Variants in MAPRE2 observed in about 807,000 individuals in gnomAD.
MAPRE2 encodes microtubule associated protein RP/EB family member 2.
Under a neutral mutation model 43.2 loss-of-function variants are expected in MAPRE2, and 13 were observed. The observed-to-expected ratio is 0.30, with a 90% CI of 0.20 to 0.48. The LOEUF is 0.48. Ranked by LOEUF, MAPRE2 falls within the 20% of genes least tolerant of loss-of-function variation. The pLI is 0.99. For missense variants in MAPRE2, 161 were observed against 400.2 expected (o/e 0.40, Z 5.10); for synonymous variants, 135 against 148.8 (o/e 0.91, Z 0.68).
At chr18:34,982,807 T>A (rs546910794) in intron 1 of MAPRE2, among the ~76,000 whole-genome samples, 1 of 152,332 alleles carries the variant, frequency 6.6e-6, no homozygotes, top group Admixed American at 6.5e-5. Context: ...ATCAGCAAAC[T>A]ATAACCCATT....
chr18:35,011,653 G>A (rs2097034739), intron 2 of MAPRE2, among the ~76,000 whole-genome samples: 1 of 152,184 alleles, frequency 6.6e-6, no homozygotes, highest in Admixed American at 6.5e-5. Flanking sequence ...GAGAGACCAG[G>A]CGGAAGATGA....
chr18:34,985,772 T>C (rs1361630911), intron 1 of MAPRE2, among the ~76,000 whole-genome samples: 1 of 136,020 alleles, frequency 7.4e-6, no homozygotes, highest in African/African-American at 2.7e-5. Context: ...ATATATTACA[T>C]ATTTGTTTAA....
chr18:35,104,129 G>T (rs760338572), intron 4 of MAPRE2, among the ~76,000 whole-genome samples: 2 of 152,082 alleles, frequency 1.3e-5, no homozygotes, highest in South Asian at 4.1e-4. Flanking sequence ...GTAGAAAGAG[G>T]GGTCACCAAC....
At chr18:34,987,054 A>G (rs544367280) in intron 1 of MAPRE2, among the ~76,000 whole-genome samples, 13 of 152,160 alleles carry the variant, frequency 8.5e-5, no homozygotes, top group Non-Finnish European at 1.6e-4. Flanking sequence ...CATTAACTGA[A>G]GTTTTTTTGC....
intron 2 of MAPRE2, among the ~76,000 whole-genome samples, chr18:35,026,775 AGAG>A (rs1330703487): frequency 6.6e-6 from 1 of 152,208 alleles, no homozygotes; most frequent in Non-Finnish European, 1.5e-5. Context: ...GATATAAAGC[AGAG>A]GACAGGTTCC....
chr18:34,994,418 T>A (rs1214724585), intron 1 of MAPRE2, among the ~76,000 whole-genome samples: 1 of 151,390 alleles, frequency 6.6e-6, no homozygotes, highest in Admixed American at 6.6e-5. Context: ...TTTCTTTTCC[T>A]AGGCTGCCAA....
At chr18:35,098,099 C>T (rs1908509879) in intron 3 of MAPRE2, among the ~76,000 whole-genome samples, 1 of 152,200 alleles carries the variant, frequency 6.6e-6, no homozygotes, top group Non-Finnish European at 1.5e-5. Context: ...CGCTCAGATT[C>T]TCAATGTCCA....
chr18:35,060,453 G>T (rs1341790001), intron 1 of MAPRE2, among the ~76,000 whole-genome samples: 1 of 152,220 alleles, frequency 6.6e-6, no homozygotes. Context: ...ATAATCAGCT[G>T]CATTTCTGAC....
intron 1 of MAPRE2, among the ~76,000 whole-genome samples, chr18:34,989,012 C>T (rs2097022422): frequency 6.6e-6 from 1 of 152,098 alleles, no homozygotes; most frequent in Admixed American, 6.6e-5. Flanking sequence ...GAAGAGCCTG[C>T]ACAGTCATTT....
chr18:34,991,964 G>T (rs1367736507), intron 1 of MAPRE2, among the ~76,000 whole-genome samples: 1 of 152,066 alleles, frequency 6.6e-6, no homozygotes, highest in Non-Finnish European at 1.5e-5. Flanking sequence ...TGTTTTAAGG[G>T]TTGCTATTGG....
intron 1 of MAPRE2, among the ~76,000 whole-genome samples, chr18:34,977,806 G>A (rs1353974559): frequency 4.6e-5 from 7 of 152,240 alleles, no homozygotes; most frequent in Non-Finnish European, 1.5e-5. Context: ...ACTCGGCTTA[G>A]TGGGAAATTC....
At chr18:34,983,822 G>A (rs1239419059) in intron 1 of MAPRE2, among the ~76,000 whole-genome samples, 2 of 151,998 alleles carry the variant, frequency 1.3e-5, no homozygotes, top group African/African-American at 4.8e-5. Flanking sequence ...TAGAGATGAG[G>A]TTTCACCATG....
At chr18:35,057,558 G>A (rs1157670409) in intron 1 of MAPRE2, among the ~76,000 whole-genome samples, 1 of 147,924 alleles carries the variant, frequency 6.8e-6, no homozygotes. Context: ...GGGGCTGCTA[G>A]GTACTTCTAA....
chr18:35,013,184 G>C (rs562403876), intron 2 of MAPRE2, among the ~76,000 whole-genome samples: 2 of 151,974 alleles, frequency 1.3e-5, no homozygotes, highest in East Asian at 3.9e-4. Context: ...GAGGAGGAAG[G>C]GAGAAATTGA....
chr18:35,007,824 T>C (rs898462652), intron 2 of MAPRE2, among the ~76,000 whole-genome samples: 1 of 19,728 alleles, frequency 5.1e-5, no homozygotes, highest in Admixed American at 6.1e-4. Flanking sequence ...TATAAGTGAT[T>C]TTTTTTTTTC....
chr18:34,992,587 AT>A (rs1448984562), intron 1 of MAPRE2, among the ~76,000 whole-genome samples: 1 of 152,126 alleles, frequency 6.6e-6, no homozygotes, highest in Non-Finnish European at 1.5e-5. Flanking sequence ...TTGTTAATTC[AT>A]TTTCTTATAA....
chr18:35,104,299 G>T (rs1908806881), intron 4 of MAPRE2, among the ~76,000 whole-genome samples: 1 of 152,196 alleles, frequency 6.6e-6, no homozygotes, highest in Admixed American at 6.6e-5. Flanking sequence ...AGGGCTTGTG[G>T]AAGTGGAGGC....
chr18:35,016,893 AATGGTGTT>A (rs2097038624), intron 2 of MAPRE2, among the ~76,000 whole-genome samples: 1 of 151,988 alleles, frequency 6.6e-6, no homozygotes, highest in Admixed American at 6.6e-5. Flanking sequence ...CAATGTCCAG[AATGGTGTT>A]TCCTAGTTTT....
At chr18:35,017,556 G>A (rs1568973072) in intron 2 of MAPRE2, among the ~76,000 whole-genome samples, 3 of 97,742 alleles carry the variant, frequency 3.1e-5, no homozygotes, top group Non-Finnish European at 7.5e-5. Context: ...TTTTTCTTTT[G>A]TTTTTTGTTT....
Sources: gnomAD v4.1 joint callset for allele counts (sites outside exome capture counted in the v4.1 genomes callset) on GRCh38, gnomAD v4.1.1 for gene constraint, MANE v1.5 for transcripts, NCBI Gene and HGNC (gene_info 2026-07-23, HGNC 2026-07-21) for gene names.